MGMT: variants seen among roughly 807,000 people sequenced by gnomAD.
MGMT encodes methylated-DNA--protein-cysteine methyltransferase.
In MGMT, 14 loss-of-function variants were observed where a neutral mutation model predicts 15.9. The ratio of observed to expected loss-of-function variants is 0.88; its 90% CI spans 0.58 to 1.37. MGMT has a LOEUF of 1.37. Ranked by LOEUF, MGMT falls within the 40% of genes most tolerant of loss-of-function variation. The pLI, the probability that MGMT is intolerant of heterozygous loss-of-function variation, is 0.00. For missense variants in MGMT, 282 were observed against 268.1 expected (o/e 1.05, Z -0.36); for synonymous variants, 130 against 118.2 (o/e 1.10, Z -0.65).
rs374180252 is a variant in MGMT at position 129,504,492 on chromosome 10, G to T, written c.-12-31749G>T. ...TTAGATTTGAATGTGTTGCAGGACAGTTGAAAGTGACACAGGTTGCAGGAC... is the reference window on the plus strand; with the variant it reads ...TTAGATTTGAATGTGTTGCAGGACATTTGAAAGTGACACAGGTTGCAGGAC... On this transcript the variant is annotated intron_variant, in intron 1 of 4. Coordinates refer to ENST00000651593, the MANE Select transcript of MGMT (RefSeq NM_002412.5). Among the ~76,000 whole-genome samples the T allele has an allele frequency of 2.6e-3, 393 of 152,328 alleles. 1 individual carries two copies. The highest frequency in any genetic ancestry group is 9.0e-3 in the African/African-American group (376 of 41,568).
chr10:129,712,036 G>A (rs1243911020), intron 3 of MGMT, among the ~76,000 whole-genome samples: 1 of 152,134 alleles, frequency 6.6e-6, no homozygotes, highest in African/African-American at 2.4e-5. Flanking sequence ...ACCTTAGTTT[G>A]CCAAAAGCAG....
chr10:129,703,023 A>G (rs1848117600), intron 2 of MGMT, among the ~76,000 whole-genome samples: 1 of 152,176 alleles, frequency 6.6e-6, no homozygotes. Flanking sequence ...AGAAATGGAA[A>G]TTTGTGTCAT....
chr10:129,757,500 G>C (rs561334196), intron 3 of MGMT, among the ~76,000 whole-genome samples: 12 of 152,316 alleles, frequency 7.9e-5, no homozygotes, highest in African/African-American at 2.9e-4. Flanking sequence ...CTCTGTGTTC[G>C]CCGAGGAAGG....
chr10:129,523,787 G>C (rs10829600), intron 1 of MGMT, among the ~76,000 whole-genome samples: 59,221 of 152,044 alleles, frequency 0.39, 12,750 homozygotes, highest in East Asian at 0.63. Flanking sequence ...AGCAGAGGGT[G>C]CCATGGTATT....
intron 2 of MGMT, among the ~76,000 whole-genome samples, chr10:129,657,729 C>CACACACA (rs1564750921): frequency 0.052 from 6,296 of 122,056 alleles, 360 homozygotes; most frequent in Admixed American, 0.06. Flanking sequence ...ACACACACAC[C>CACACACA]CCCTCTCCCC....
intron 2 of MGMT, among the ~76,000 whole-genome samples, chr10:129,673,008 G>A (rs750493685): frequency 1.5e-4 from 23 of 152,128 alleles, no homozygotes; most frequent in Non-Finnish European, 2.8e-4. Flanking sequence ...ATCAGAGCAG[G>A]GCTGTGGCTC....
chr10:129,675,711 C>T (rs1416384496), intron 2 of MGMT, among the ~76,000 whole-genome samples: 1 of 152,166 alleles, frequency 6.6e-6, no homozygotes, highest in Non-Finnish European at 1.5e-5. Context: ...GAGCCACACA[C>T]CCACTGCTGC....
chr10:129,628,825 C>G (rs1847179594), intron 2 of MGMT, among the ~76,000 whole-genome samples: 1 of 152,210 alleles, frequency 6.6e-6, no homozygotes, highest in South Asian at 2.1e-4. Flanking sequence ...CTTCACCCCT[C>G]TTCCCTTGCT....
At chr10:129,683,133 G>A (rs962648342) in intron 2 of MGMT, among the ~76,000 whole-genome samples, 1 of 152,236 alleles carries the variant, frequency 6.6e-6, no homozygotes, top group Non-Finnish European at 1.5e-5. Flanking sequence ...ACAGGCGTGA[G>A]CCACCACGCC....
intron 3 of MGMT, among the ~76,000 whole-genome samples, chr10:129,745,434 G>A (rs1848683671): frequency 6.6e-6 from 1 of 151,840 alleles, no homozygotes; most frequent in Non-Finnish European, 1.5e-5. Flanking sequence ...CAGCAACTGC[G>A]ACGTGTTCTC....
intron 2 of MGMT, among the ~76,000 whole-genome samples, chr10:129,640,530 G>GA (rs1430033727): frequency 1.3e-5 from 2 of 152,104 alleles, no homozygotes; most frequent in Non-Finnish European, 1.5e-5. Flanking sequence ...CTTCATTGGG[G>GA]AATTCTACAA....
intron 4 of MGMT, among the ~76,000 whole-genome samples, chr10:129,765,849 G>T (rs1848927488): frequency 6.6e-6 from 1 of 152,152 alleles, no homozygotes; most frequent in Non-Finnish European, 1.5e-5. Flanking sequence ...CACCTACATG[G>T]AAACCAGAGG....
chr10:129,613,823 G>A (rs2133070064), intron 2 of MGMT, among the ~76,000 whole-genome samples: 1 of 152,296 alleles, frequency 6.6e-6, no homozygotes, highest in South Asian at 2.1e-4. Context: ...GTCTGCCTGA[G>A]GTCCCCCCTC....
intron 2 of MGMT, among the ~76,000 whole-genome samples, chr10:129,654,176 A>C (rs1195696427): frequency 6.6e-6 from 1 of 152,108 alleles, no homozygotes; most frequent in Non-Finnish European, 1.5e-5. Flanking sequence ...GGGAAGCTGG[A>C]TGGTGAGGTA....
intron 4 of MGMT, among the ~76,000 whole-genome samples, chr10:129,763,385 T>C (rs1485976502): frequency 6.6e-6 from 1 of 152,132 alleles, no homozygotes; most frequent in Non-Finnish European, 1.5e-5. Flanking sequence ...CGTTCCCTAT[T>C]TCTAACGGTA....
At chr10:129,598,578 C>T (rs890911425) in intron 2 of MGMT, among the ~76,000 whole-genome samples, 9 of 152,134 alleles carry the variant, frequency 5.9e-5, no homozygotes, top group East Asian at 5.8e-4. Flanking sequence ...CAAAACCACA[C>T]GCAAGAAAGC....
chr10:129,542,037 C>T (rs1589857854), intron 2 of MGMT, among the ~76,000 whole-genome samples: 1 of 152,204 alleles, frequency 6.6e-6, no homozygotes, highest in Non-Finnish European at 1.5e-5. Context: ...CCTGCCGGGC[C>T]TCTGTGTTGA....
chr10:129,518,077 A>G (rs34749379), intron 1 of MGMT, among the ~76,000 whole-genome samples: 37,697 of 151,638 alleles, frequency 0.25, 5,617 homozygotes, highest in African/African-American at 0.42. Context: ...CTTTGGGAGG[A>G]TGTGGGATGG....
At chr10:129,721,366 C>T (rs1209387445) in intron 3 of MGMT, among the ~76,000 whole-genome samples, 2 of 152,250 alleles carry the variant, frequency 1.3e-5, no homozygotes, top group Admixed American at 1.3e-4. Context: ...CATGGTATCC[C>T]ATTGAGTCTG....
Sources: gnomAD v4.1 joint callset for allele counts (sites outside exome capture counted in the v4.1 genomes callset) on GRCh38, gnomAD v4.1.1 for gene constraint, MANE v1.5 for transcripts, NCBI Gene and HGNC (gene_info 2026-07-23, HGNC 2026-07-21) for gene names.